Variants in ZNF804B observed in about 807,000 individuals in gnomAD.
ZNF804B encodes zinc finger protein 804B, also known as zinc finger 804B.
In ZNF804B, 80 loss-of-function variants were observed where a neutral mutation model predicts 101.4. The ratio of observed to expected loss-of-function variants is 0.79; its 90% CI spans 0.66 to 0.95. The LOEUF (loss-of-function observed/expected upper bound fraction) is 0.95, where lower values mean the gene tolerates loss of function less well. Ranked by LOEUF, ZNF804B falls within the 40% of genes least tolerant of loss-of-function variation. The pLI is 0.00. For missense variants in ZNF804B, 1,673 were observed against 1,561.9 expected, an observed-to-expected ratio of 1.07 and a Z score of -1.20; for synonymous variants, 622 against 558.8, an observed-to-expected ratio of 1.11 and a Z score of -1.59.
chr7:89,159,728 A>T (rs1260182639), intron 1 of ZNF804B, among the ~76,000 whole-genome samples: 2 of 152,198 alleles, frequency 1.3e-5, no homozygotes, highest in African/African-American at 4.8e-5. Context: ...TTGAAATAAG[A>T]TACACAGCTC....
chr7:89,302,758 G>GT (rs1371296106), intron 2 of ZNF804B, among the ~76,000 whole-genome samples: 2 of 151,804 alleles, frequency 1.3e-5, no homozygotes, highest in Non-Finnish European at 2.9e-5. Flanking sequence ...AACCATCTTT[G>GT]TAAGAGGCCA....
At chr7:88,818,116 G>T (rs769816803) in intron 1 of ZNF804B, among the ~76,000 whole-genome samples, 1 of 152,094 alleles carries the variant, frequency 6.6e-6, no homozygotes, top group African/African-American at 2.4e-5. Context: ...ATGAGGAAAA[G>T]AAATTGTCCC....
intron 1 of ZNF804B, among the ~76,000 whole-genome samples, chr7:88,964,652 A>T (rs1793430743): frequency 6.6e-6 from 1 of 151,492 alleles, no homozygotes; most frequent in Admixed American, 6.6e-5. Flanking sequence ...TGAATTGTAA[A>T]CTTAACAACA....
In ZNF804B at chr7:89,336,816, A is replaced by T. The variant is rs543125951; in HGVS notation, c.3834A>T (p.Pro1278=). 3 of 1,613,852 alleles carry T rather than the reference A, an allele frequency of 1.9e-6. No individual in the cohort carries two copies. Among genetic ancestry groups the T allele is most frequent in the Non-Finnish European group, 2.5e-6 (3 of 1,179,954 alleles). Residue 1278 remains proline, a synonymous_variant, in exon 4 of 4, where the codon CCA becomes CCT. Transcript: ENST00000333190. ...LHLVAATPFH[P]SHITLQPLPP... ...TAGTAGCTGCTACCCCCTTCCACCC[A>T]TCTCACATAACACTTCAGCCTCTGC... is the stretch of plus-strand genomic sequence containing the variant.
intron 1 of ZNF804B, among the ~76,000 whole-genome samples, chr7:89,100,099 G>A (rs578044674): frequency 6.6e-6 from 1 of 152,146 alleles, no homozygotes; most frequent in South Asian, 2.1e-4. Context: ...TGGGAAAAAT[G>A]ACAAGAAACC....
intron 1 of ZNF804B, among the ~76,000 whole-genome samples, chr7:89,160,356 C>T (rs1274378775): frequency 1.3e-5 from 2 of 152,050 alleles, no homozygotes; most frequent in African/African-American, 2.4e-5. Flanking sequence ...GATGAATAAC[C>T]GTATGTGATG....
At chr7:88,767,175 A>G (rs1562788155) in intron 1 of ZNF804B, among the ~76,000 whole-genome samples, 1 of 152,176 alleles carries the variant, frequency 6.6e-6, no homozygotes, top group Non-Finnish European at 1.5e-5. Flanking sequence ...AATGGTAAGA[A>G]CTACTCTATT....
At chr7:88,849,880 T>G (rs1240331055) in intron 1 of ZNF804B, among the ~76,000 whole-genome samples, 1 of 151,994 alleles carries the variant, frequency 6.6e-6, no homozygotes, top group African/African-American at 2.4e-5. Context: ...ATTTTAAACT[T>G]ATGGAGTTAA....
intron 1 of ZNF804B, among the ~76,000 whole-genome samples, chr7:89,075,284 C>T (rs532448353): frequency 3.3e-5 from 5 of 152,234 alleles, no homozygotes; most frequent in African/African-American, 1.2e-4. Flanking sequence ...CCATCACAGA[C>T]CAGAGGCCTA....
At chr7:88,933,272 A>T (rs1792917268) in intron 1 of ZNF804B, among the ~76,000 whole-genome samples, 1 of 151,936 alleles carries the variant, frequency 6.6e-6, no homozygotes, top group Non-Finnish European at 1.5e-5. Context: ...ACCTCAACCA[A>T]ATAGACATAG....
intron 1 of ZNF804B, among the ~76,000 whole-genome samples, chr7:89,169,738 AT>A (rs1415675831): frequency 2.6e-5 from 4 of 152,230 alleles, no homozygotes; most frequent in Admixed American, 6.5e-5. Context: ...CAGTAAAAAA[AT>A]ATTCAATTAA....
chr7:88,924,984 T>A (rs1792774949), intron 1 of ZNF804B, among the ~76,000 whole-genome samples: 1 of 152,214 alleles, frequency 6.6e-6, no homozygotes, highest in Admixed American at 6.5e-5. Flanking sequence ...TCAAATAACT[T>A]GTATTAAAAC....
intron 1 of ZNF804B, among the ~76,000 whole-genome samples, chr7:88,990,700 TGA>T (rs1238684667): frequency 6.6e-6 from 1 of 152,124 alleles, no homozygotes; most frequent in Non-Finnish European, 1.5e-5. Context: ...AATTTTCTAG[TGA>T]GAGTGAGCAC....
intron 1 of ZNF804B, among the ~76,000 whole-genome samples, chr7:89,216,773 T>C (rs1173529442): frequency 6.6e-6 from 1 of 152,374 alleles, no homozygotes; most frequent in African/African-American, 2.4e-5. Flanking sequence ...TTCTGCTTAC[T>C]TTCTTTTCTG....
chr7:89,122,068 G>A (rs1020251220), intron 1 of ZNF804B, among the ~76,000 whole-genome samples: 2 of 151,432 alleles, frequency 1.3e-5, no homozygotes, highest in Non-Finnish European at 1.5e-5. Context: ...TATGTGTAAA[G>A]TAATATATAT....
Position 89,311,140 on chromosome 7 carries a change from A to C in ZNF804B, c.250-16204A>C, listed in dbSNP as rs183288088. Reference sequence around the variant, plus strand: ...GAGGTAGAAATGAACCTCACACACAAAAAAATCCTTACTGATTCTCTTAAC... The same window carrying C: ...GAGGTAGAAATGAACCTCACACACACAAAAATCCTTACTGATTCTCTTAAC... On this transcript the variant is annotated intron_variant, in intron 2 of 3. Coordinates refer to ENST00000333190, the MANE Select transcript of ZNF804B (RefSeq NM_181646.5). 1.1e-4 allele frequency among the ~76,000 whole-genome samples: 17 copies of C among 152,316 alleles called. 1 individual carries two copies. In the East Asian group the frequency reaches 3.1e-3, roughly 28 times the overall value.
chr7:88,835,105 G>T (rs1209458565), intron 1 of ZNF804B, among the ~76,000 whole-genome samples: 1 of 151,814 alleles, frequency 6.6e-6, no homozygotes, highest in Non-Finnish European at 1.5e-5. Flanking sequence ...TAAAATTGGA[G>T]TTTACACATT....
At chr7:89,279,030 G>A (rs940646050) in intron 2 of ZNF804B, among the ~76,000 whole-genome samples, 6 of 152,118 alleles carry the variant, frequency 3.9e-5, no homozygotes, top group African/African-American at 1.2e-4. Context: ...ATTTCATTGA[G>A]CAGTGGTTTG....
At chr7:89,278,576 T>G (rs1324279373) in intron 2 of ZNF804B, among the ~76,000 whole-genome samples, 1 of 152,018 alleles carries the variant, frequency 6.6e-6, no homozygotes, top group South Asian at 2.1e-4. Flanking sequence ...TATGGCTAGC[T>G]AGTTTTCCCA....
Sources: allele counts gnomAD v4.1 joint callset (sites outside exome capture counted in the v4.1 genomes callset), GRCh38; gene constraint gnomAD v4.1.1; transcripts MANE v1.5; gene names NCBI Gene and HGNC (gene_info 2026-07-23, HGNC 2026-07-21).